The following CSTPP1 variants were observed in gnomAD, a reference collection of about 807,000 sequenced individuals.
CSTPP1 encodes the protein UPF0705 protein C11orf49.
At chr11:47,056,487 G>A in the CSTPP1 span, among the ~76,000 whole-genome samples, 4 of 152,158 alleles carry the variant, frequency 2.6e-5, no homozygotes, top group Non-Finnish European at 5.9e-5. Context: ...AATAGCAGCT[G>A]CCAGTGACTC....
At chr11:47,035,674 T>C in the CSTPP1 span, among the ~76,000 whole-genome samples, 1 of 152,202 alleles carries the variant, frequency 6.6e-6, no homozygotes, top group Admixed American at 6.5e-5. Context: ...TTTTGCTAAA[T>C]GTTAACTTTT....
chr11:46,963,350 T>C, the CSTPP1 span, among the ~76,000 whole-genome samples: 2 of 151,006 alleles, frequency 1.3e-5, no homozygotes, highest in African/African-American at 2.4e-5. Flanking sequence ...CATGAAAGGA[T>C]GTTAGACTTT....
the CSTPP1 span, among the ~76,000 whole-genome samples, chr11:47,042,472 A>T: frequency 1.3e-4 from 19 of 149,246 alleles, no homozygotes; most frequent in Non-Finnish European, 2.5e-4. Context: ...TGTGTGTGTG[A>T]GAGAGAGAGA....
the CSTPP1 span, among the ~76,000 whole-genome samples, chr11:47,109,482 T>C: frequency 1.3e-5 from 2 of 152,346 alleles, no homozygotes; most frequent in African/African-American, 4.8e-5. Flanking sequence ...TTTAAAAATG[T>C]TCTGCTCACT....
chr11:47,116,596 C>G, the CSTPP1 span, among the ~76,000 whole-genome samples: 1 of 146,822 alleles, frequency 6.8e-6, no homozygotes, highest in Non-Finnish European at 1.5e-5. Flanking sequence ...CTCTTTTGAT[C>G]TTTGTTGGTT....
chr11:47,027,916 CTTTTTTTTTTCT>C, the CSTPP1 span, among the ~76,000 whole-genome samples: 1 of 136,080 alleles, frequency 7.3e-6, no homozygotes, highest in African/African-American at 2.8e-5. Flanking sequence ...TCTCTATTTT[CTTTTTTTTTTCT>C]TTTTTTTTTT....
chr11:47,032,498 A>T, the CSTPP1 span, among the ~76,000 whole-genome samples: 2 of 152,224 alleles, frequency 1.3e-5, no homozygotes, highest in Admixed American at 1.3e-4. Flanking sequence ...AAATGGAAGC[A>T]TCTTCAGACC....
chr11:47,131,626 GC>G, the CSTPP1 span, among the ~76,000 whole-genome samples: 2 of 152,186 alleles, frequency 1.3e-5, no homozygotes, highest in South Asian at 4.1e-4. Context: ...AGTTGTAACA[GC>G]AATAAAGTGA....
At chr11:47,157,724 C>T in the CSTPP1 span, 17 of 1,291,020 alleles carry the variant, frequency 1.3e-5, no homozygotes, top group Non-Finnish European at 1.8e-5. Flanking sequence ...CCTGGCTTGG[C>T]TGTGGGTATC....
At chr11:46,938,062 C>T in the CSTPP1 span, among the ~76,000 whole-genome samples, 4 of 151,624 alleles carry the variant, frequency 2.6e-5, no homozygotes, top group East Asian at 1.9e-4. Context: ...TTAGTAGAGA[C>T]GGGGTTTCAC....
chr11:47,033,393 A>T, the CSTPP1 span, among the ~76,000 whole-genome samples: 1 of 152,120 alleles, frequency 6.6e-6, no homozygotes, highest in Non-Finnish European at 1.5e-5. Context: ...GTCTAATGTC[A>T]GTTTGTTTTC....
At chr11:47,084,116 A>G in the CSTPP1 span, among the ~76,000 whole-genome samples, 2 of 152,218 alleles carry the variant, frequency 1.3e-5, no homozygotes, top group Non-Finnish European at 2.9e-5. Flanking sequence ...TGGTTGTGAA[A>G]TGAAATCTCA....
At chr11:47,082,808 T>C in the CSTPP1 span, among the ~76,000 whole-genome samples, 9 of 152,312 alleles carry the variant, frequency 5.9e-5, no homozygotes, top group South Asian at 6.2e-4. Context: ...TCATATAGAT[T>C]ATATATAGAT....
the CSTPP1 span, among the ~76,000 whole-genome samples, chr11:47,048,829 A>C: frequency 1.3e-5 from 2 of 152,212 alleles, no homozygotes; most frequent in African/African-American, 4.8e-5. Flanking sequence ...AATGATAAAT[A>C]TTATGTATAG....
At chr11:47,161,079 G>T in the CSTPP1 span, 48 of 1,611,660 alleles carry the variant, frequency 3.0e-5, no homozygotes, top group Admixed American at 8.0e-4. Context: ...TCTGTTGCCT[G>T]GCTGAAGGGC....
chr11:47,102,241 T>A, the CSTPP1 span, among the ~76,000 whole-genome samples: 1 of 152,170 alleles, frequency 6.6e-6, no homozygotes, highest in Non-Finnish European at 1.5e-5. Flanking sequence ...GATTTTGATC[T>A]CTTTTTTGGA....
chr11:47,053,488 G>A, the CSTPP1 span, among the ~76,000 whole-genome samples: 169 of 150,298 alleles, frequency 1.1e-3, no homozygotes, highest in Non-Finnish European at 2.1e-3. Context: ...GTGTGGTGGC[G>A]CACTCCTATA....
At chr11:46,971,907 C>T in the CSTPP1 span, among the ~76,000 whole-genome samples, 1 of 152,250 alleles carries the variant, frequency 6.6e-6, no homozygotes, top group Middle Eastern at 3.4e-3. Context: ...GTGATTGTGC[C>T]ACTGCACTTC....
chr11:46,956,929 A>G, the CSTPP1 span, among the ~76,000 whole-genome samples: 2 of 151,366 alleles, frequency 1.3e-5, no homozygotes, highest in Non-Finnish European at 2.9e-5. Context: ...GTATATATAT[A>G]TACACACAGT....
Sources: allele counts gnomAD v4.1 joint callset (sites outside exome capture counted in the v4.1 genomes callset), GRCh38; gene constraint gnomAD v4.1.1; transcripts MANE v1.5; gene names NCBI Gene and HGNC (gene_info 2026-07-23, HGNC 2026-07-21).